RAI14: variants seen among roughly 807,000 people sequenced by gnomAD.
The protein encoded by RAI14 is ankycorbin.
In RAI14, 45 loss-of-function variants were observed where a neutral mutation model predicts 115.4. The observed-to-expected ratio is 0.39, with a 90% CI of 0.31 to 0.50. The LOEUF is 0.50. Ranked by LOEUF, RAI14 falls within the 20% of genes least tolerant of loss-of-function variation. The pLI is 0.85. For missense variants in RAI14, 939 were observed against 1,131.2 expected (o/e 0.83, Z 2.44); for synonymous variants, 371 against 415.4 (o/e 0.89, Z 1.30).
intron 10 of RAI14, 44 bp from the exon 11 acceptor site, chr5:34,813,530 C>A (rs371377831): frequency 1.7e-5 from 25 of 1,463,198 alleles, no homozygotes; most frequent in Non-Finnish European, 2.0e-5. Flanking sequence ...ACTTTACTAA[C>A]CAAACTAACC....
chr5:34,673,138 GATTGTTTTC>G (rs1167147149), intron 1 of RAI14, among the ~76,000 whole-genome samples: 1 of 152,114 alleles, frequency 6.6e-6, no homozygotes, highest in Non-Finnish European at 1.5e-5. Context: ...AGTTAATTGT[GATTGTTTTC>G]ATTGTTGGCC....
At chr5:34,701,411 A>C (rs978952257) in intron 2 of RAI14, among the ~76,000 whole-genome samples, 1 of 152,156 alleles carries the variant, frequency 6.6e-6, no homozygotes, top group Non-Finnish European at 1.5e-5. Flanking sequence ...AGAGATTAAG[A>C]TCTGAATAGG....
intron 2 of RAI14, chr5:34,687,833 A>G (rs1242239874): frequency 7.4e-6 from 10 of 1,356,040 alleles, no homozygotes; most frequent in Non-Finnish European, 9.2e-6. Context: ...AGCTTGGCAC[A>G]GCTGCATTTT....
chr5:34,784,513 A>C (rs957230679), intron 3 of RAI14, among the ~76,000 whole-genome samples: 1 of 152,178 alleles, frequency 6.6e-6, no homozygotes. Context: ...GAGGGACAGT[A>C]ATTTTTCCAG....
At chr5:34,693,580 A>G (rs570876650) in intron 2 of RAI14, among the ~76,000 whole-genome samples, 13 of 152,334 alleles carry the variant, frequency 8.5e-5, no homozygotes, top group African/African-American at 2.4e-4. Context: ...AGTAAAGACC[A>G]TTGCTACAAT....
chr5:34,717,501 G>C (rs968613287), intron 2 of RAI14, among the ~76,000 whole-genome samples: 1 of 152,196 alleles, frequency 6.6e-6, no homozygotes, highest in Non-Finnish European at 1.5e-5. Flanking sequence ...TTTTGGGCGG[G>C]GGGGAATCCT....
intron 2 of RAI14, among the ~76,000 whole-genome samples, chr5:34,741,220 T>G (rs1479788970): frequency 2.0e-5 from 3 of 152,230 alleles, no homozygotes; most frequent in Non-Finnish European, 4.4e-5. Flanking sequence ...GTTTCTGCCA[T>G]TAAGTACAAT....
chr5:34,814,828 G>C (rs2150271029), intron 12 of RAI14, among the ~76,000 whole-genome samples, 159 bp downstream of exon 12: 1 of 152,070 alleles, frequency 6.6e-6, no homozygotes, highest in East Asian at 1.9e-4. Flanking sequence ...TTCTGGCATG[G>C]ACCCCATAAA....
At chr5:34,784,174 T>C (rs1004704334) in intron 3 of RAI14, among the ~76,000 whole-genome samples, 10 of 152,182 alleles carry the variant, frequency 6.6e-5, no homozygotes, top group Non-Finnish European at 1.0e-4. Context: ...GAATCAGAAA[T>C]CACATTAATG....
intron 4 of RAI14, 64 bp downstream of exon 4, chr5:34,796,091 C>G: frequency 8.3e-6 from 11 of 1,318,684 alleles, no homozygotes; most frequent in Non-Finnish European, 1.1e-5. Context: ...AAAAGTAATA[C>G]ATATTCATTA....
chr5:34,752,794 G>A (rs1167952651), intron 2 of RAI14, among the ~76,000 whole-genome samples: 2 of 138,318 alleles, frequency 1.4e-5, no homozygotes, highest in Non-Finnish European at 3.1e-5. Flanking sequence ...TTGAGACAAG[G>A]TCTTGGGTTG....
At position 34,665,198 on chromosome 5, in the gene RAI14, T is replaced by TATATATACACAC. The variant is rs369742853; in HGVS notation, c.-49+8724_-49+8725insTATATACACACA. ...ACACACATATATATATGTATATATA[T>TATATATACACAC]ACACACACCACAGTTTCTTTATCCA... is the stretch of plus-strand genomic sequence containing the variant. On this transcript the variant is annotated intron_variant, in intron 1 of 17. Coordinates refer to ENST00000265109, the MANE Select transcript of RAI14 (RefSeq NM_015577.3). Among the ~76,000 whole-genome samples, 22 of 75,708 alleles carry TATATATACACAC rather than the reference T, an allele frequency of 2.9e-4. 6 individuals are homozygous for TATATATACACAC. The highest frequency in any genetic ancestry group is 1.3e-3 in the South Asian group (3 of 2,316). 49.7% of individuals were successfully genotyped at this position (75,708 alleles called of 152,430 possible). A position where few individuals can be genotyped will look rare whatever the true frequency, so the allele number is the denominator to read the frequency against.
intron 2 of RAI14, among the ~76,000 whole-genome samples, chr5:34,753,707 C>T (rs1283270573): frequency 4.6e-5 from 7 of 151,940 alleles, no homozygotes; most frequent in Non-Finnish European, 7.4e-5. Context: ...CGAGGTCAAG[C>T]GCTCAAGACC....
chr5:34,815,625 G>C (rs937302192), intron 12 of RAI14, among the ~76,000 whole-genome samples: 1 of 152,156 alleles, frequency 6.6e-6, no homozygotes, highest in East Asian at 1.9e-4. Flanking sequence ...TAGAAGCAGA[G>C]AGTAGAATGA....
intron 1 of RAI14, among the ~76,000 whole-genome samples, chr5:34,668,026 C>T (rs945237821): frequency 1.3e-5 from 2 of 152,192 alleles, no homozygotes; most frequent in African/African-American, 4.8e-5. Flanking sequence ...GGCCTCTTCT[C>T]AGCCACCCAG....
intron 1 of RAI14, among the ~76,000 whole-genome samples, chr5:34,676,327 C>T (rs377297051): frequency 1.7e-4 from 26 of 152,224 alleles, no homozygotes; most frequent in East Asian, 3.9e-4. Context: ...TGTGTTTAGA[C>T]GGTGGTATTG....
chr5:34,796,819 TACACACACACACAA>T (rs983436564), intron 4 of RAI14, among the ~76,000 whole-genome samples: 1 of 151,518 alleles, frequency 6.6e-6, no homozygotes, highest in African/African-American at 2.4e-5. Flanking sequence ...GAATAAACAG[TACACACACACACAA>T]ACACACACAC....
intron 2 of RAI14, among the ~76,000 whole-genome samples, chr5:34,731,991 C>T (rs565475631): frequency 2.6e-5 from 4 of 152,294 alleles, no homozygotes; most frequent in South Asian, 2.1e-4. Context: ...GGGAATGCCT[C>T]GGCCTCCTGC....
At chr5:34,798,313 A>G (rs1753785890) in intron 4 of RAI14, among the ~76,000 whole-genome samples, 1 of 150,376 alleles carries the variant, frequency 6.6e-6, no homozygotes, top group African/African-American at 2.4e-5. Flanking sequence ...TGCTGGAATT[A>G]CAGGCGTGAG....
Sources: gnomAD v4.1 joint callset for allele counts (sites outside exome capture counted in the v4.1 genomes callset) on GRCh38, gnomAD v4.1.1 for gene constraint, MANE v1.5 for transcripts, NCBI Gene and HGNC (gene_info 2026-07-23, HGNC 2026-07-21) for gene names.